The following TYW1B variants were observed in gnomAD, a reference collection of about 807,000 sequenced individuals.
TYW1B encodes the protein S-adenosyl-L-methionine-dependent tRNA 4-demethylwyosine synthase TYW1B.
TYW1B carries 73 observed loss-of-function variants against 86.9 expected under a neutral mutation model. That is an observed-to-expected ratio of 0.84 (90% CI 0.70 to 1.02). The LOEUF (loss-of-function observed/expected upper bound fraction) is 1.02, where lower values mean the gene tolerates loss of function less well. Among genes scored for constraint, TYW1B ranks in the 50% least tolerant of loss-of-function variants. The pLI, the probability that TYW1B is intolerant of heterozygous loss-of-function variation, is 0.00. For synonymous variants in TYW1B, 248 were observed against 292.8 expected, an observed-to-expected ratio of 0.85 and a Z score of 1.56; for missense variants, 637 against 827.4, an observed-to-expected ratio of 0.77 and a Z score of 2.82.
At chr7:72,687,522 T>G (rs1814035540) in intron 11 of TYW1B, among the ~76,000 whole-genome samples, 1 of 152,182 alleles carries the variant, frequency 6.6e-6, no homozygotes, top group Non-Finnish European at 1.5e-5. Flanking sequence ...AGAACCACTA[T>G]TACTTGCAAA....
intron 8 of TYW1B, 109 bp downstream of exon 8, chr7:72,744,375 T>G (rs1554463057): frequency 8.3e-7 from 1 of 1,209,052 alleles, no homozygotes; most frequent in East Asian, 2.4e-5. Flanking sequence ...TGAAAAAGAT[T>G]AATCACCAAG....
intron 6 of TYW1B, among the ~76,000 whole-genome samples, chr7:72,796,978 ATTTTT>A (rs34168427): frequency 6.7e-6 from 1 of 149,474 alleles, no homozygotes; most frequent in Non-Finnish European, 1.5e-5. Flanking sequence ...TAATTTTTGT[ATTTTT>A]TTTAATAGAG....
rs1788974763 is a variant in TYW1B, at chr7:72,828,084, G to A, written c.-9C>T. ...CGAGTGCCCTTACCCATCCTCCTCA[G>A]AGCCGACAGGAGACTAGGATCTCGG... On this transcript the variant is annotated 5_prime_UTR_variant, in exon 1 of 14. Coordinates refer to ENST00000620995, the MANE Select transcript of TYW1B (RefSeq NM_001145440.3). 1.9e-6 allele frequency: 3 copies of A among 1,613,844 alleles called. No homozygotes were observed. The highest frequency in any genetic ancestry group is 3.3e-5 in the Admixed American group (2 of 59,952).
intron 5 of TYW1B, among the ~76,000 whole-genome samples, chr7:72,805,660 G>C (rs1788480772): frequency 6.6e-6 from 1 of 151,550 alleles, no homozygotes. Context: ...CACAGAATGA[G>C]GTCATAGTAA....
chr7:72,760,797 A>G (rs1233341012), intron 7 of TYW1B, among the ~76,000 whole-genome samples: 1 of 152,232 alleles, frequency 6.6e-6, no homozygotes, highest in Non-Finnish European at 1.5e-5. Context: ...TCTCTACTAG[A>G]CATTTTAAGA....
At chr7:72,602,875 C>G (rs1309157673) in intron 13 of TYW1B, among the ~76,000 whole-genome samples, 1 of 146,446 alleles carries the variant, frequency 6.8e-6, no homozygotes, top group Non-Finnish European at 1.5e-5. Context: ...CACACACACA[C>G]ACACACACAC....
chr7:72,589,153 T>C (rs1811339971), intron 13 of TYW1B, among the ~76,000 whole-genome samples: 1 of 152,162 alleles, frequency 6.6e-6, no homozygotes, highest in South Asian at 2.1e-4. Flanking sequence ...TCCTTTGGAA[T>C]ATGAGAAAAA....
intron 2 of TYW1B, among the ~76,000 whole-genome samples, chr7:72,820,213 T>TGCAGTGAGCTGAGATC (rs1435528541): frequency 6.6e-6 from 1 of 152,124 alleles, no homozygotes; most frequent in Non-Finnish European, 1.5e-5. Context: ...AGGCGAAGGT[T>TGCAGTGAGCTGAGATC]GCAGTGAGCT....
At chr7:72,674,997 G>C (rs1813702298) in intron 11 of TYW1B, among the ~76,000 whole-genome samples, 1 of 152,066 alleles carries the variant, frequency 6.6e-6, no homozygotes, top group Admixed American at 6.6e-5. Flanking sequence ...GGAATTCCAA[G>C]GACCTGCTTA....
chr7:72,582,169 A>C (rs1362801999), intron 13 of TYW1B, among the ~76,000 whole-genome samples: 1 of 152,120 alleles, frequency 6.6e-6, no homozygotes, highest in Non-Finnish European at 1.5e-5. Context: ...AGAAAAAAAA[A>C]ATAGAAGAGA....
At chr7:72,664,532 T>C (rs2129569526) in intron 11 of TYW1B, among the ~76,000 whole-genome samples, 1 of 152,208 alleles carries the variant, frequency 6.6e-6, no homozygotes, top group Admixed American at 6.5e-5. Context: ...CTCTCACTTA[T>C]AAGTGGGAGC....
chr7:72,754,423 G>C (rs1423819529), intron 7 of TYW1B, among the ~76,000 whole-genome samples: 1 of 151,338 alleles, frequency 6.6e-6, no homozygotes, highest in Admixed American at 6.6e-5. Flanking sequence ...TTACAGGCAC[G>C]AGCCACTGCA....
intron 7 of TYW1B, among the ~76,000 whole-genome samples, chr7:72,749,346 T>C (rs1787454628): frequency 6.6e-6 from 1 of 152,158 alleles, no homozygotes; most frequent in Admixed American, 6.6e-5. Context: ...CAGGCTGGAG[T>C]GCAGTGGCAC....
intron 11 of TYW1B, among the ~76,000 whole-genome samples, chr7:72,632,311 AT>A (rs1438380861): frequency 0.023 from 2,114 of 92,330 alleles, 99 homozygotes; most frequent in African/African-American, 0.05. Flanking sequence ...GTGTATATAT[AT>A]TATATATATT....
rs186104061 is a variant in TYW1B, at chr7:72,827,929, C to G, written c.4+143G>C. On this transcript the variant is annotated intron_variant, in intron 1 of 13. Transcript: ENST00000620995. The stretch of plus-strand genomic sequence containing the variant: ...AAAGTAGGGATCGGTCCTCCTTGCT[C>G]TCAGCGGCGGCTAGCCGGTGCTGTC... The G allele has an allele frequency of 3.3e-4, 490 of 1,495,266 alleles. 2 individuals carry two copies. In the African/African-American group the frequency reaches 6.2e-3, roughly 19 times the overall value. 92.6% of individuals were successfully genotyped at this position (1,495,266 alleles called of 1,614,324 possible).
intron 8 of TYW1B, among the ~76,000 whole-genome samples, chr7:72,733,728 C>T (rs1258665115): frequency 6.6e-6 from 1 of 152,102 alleles, no homozygotes; most frequent in Non-Finnish European, 1.5e-5. Flanking sequence ...AGAGCACACA[C>T]ACAAAAATGG....
At chr7:72,813,237 G>C (rs1450899371) in intron 3 of TYW1B, among the ~76,000 whole-genome samples, 1 of 146,026 alleles carries the variant, frequency 6.8e-6, no homozygotes, top group Non-Finnish European at 1.5e-5. Flanking sequence ...GGGCAATGGC[G>C]CAATCTCGGC....
At chr7:72,597,852 C>G (rs1427980877) in intron 13 of TYW1B, among the ~76,000 whole-genome samples, 2 of 151,680 alleles carry the variant, frequency 1.3e-5, no homozygotes, top group East Asian at 3.9e-4. Context: ...GGCAGCAGCC[C>G]TAGATGACTT....
intron 11 of TYW1B, among the ~76,000 whole-genome samples, chr7:72,654,824 T>A (rs550305489): frequency 6.6e-6 from 1 of 152,068 alleles, no homozygotes; most frequent in Non-Finnish European, 1.5e-5. Context: ...GAGGTTGCAG[T>A]GAGCCGAGAT....
Sources: gnomAD v4.1 joint callset for allele counts (sites outside exome capture counted in the v4.1 genomes callset) on GRCh38, gnomAD v4.1.1 for gene constraint, MANE v1.5 for transcripts, NCBI Gene and HGNC (gene_info 2026-07-23, HGNC 2026-07-21) for gene names.